The following TMPRSS7 variants were observed in gnomAD, a reference collection of about 807,000 sequenced individuals.
TMPRSS7 encodes the protein transmembrane protease serine 7.
Under a neutral mutation model 95.6 loss-of-function variants are expected in TMPRSS7, and 81 were observed. That is an observed-to-expected ratio of 0.85 (90% CI 0.71 to 1.02). The LOEUF is 1.02. TMPRSS7 is among the 50% of genes least tolerant of loss of function. The pLI is 0.00. For missense variants in TMPRSS7, 945 were observed against 955.2 expected (o/e 0.99, Z 0.14); for synonymous variants, 364 against 337.8 (o/e 1.08, Z -0.85).
intron 8 of TMPRSS7, 56 bp downstream of exon 8, chr3:112,050,030 C>A (rs9826973): frequency 0.033 from 48,009 of 1,453,552 alleles, 1,156 homozygotes; most frequent in African/African-American, 0.12. Flanking sequence ...TAATGATAGG[C>A]TATTCTTATC....
At chr3:112,042,078 G>T in intron 3 of TMPRSS7, 28 bp downstream of exon 3, 1 of 1,538,440 alleles carries the variant, frequency 6.5e-7, no homozygotes, top group Non-Finnish European at 8.8e-7. Context: ...GAGGGTATTA[G>T]GGTAGAGTGG....
At chr3:112,041,977 T>C (rs369592122) in exon 3 of TMPRSS7, 144 of 1,551,438 alleles carry the variant, frequency 9.3e-5, no homozygotes, top group Admixed American at 1.8e-4. Flanking sequence ...ATCACCAACA[T>C]TGAGTTTCTT....
intron 4 of TMPRSS7, among the ~76,000 whole-genome samples, chr3:112,044,556 A>G (rs1357683000): frequency 6.6e-6 from 1 of 152,012 alleles, no homozygotes; most frequent in Non-Finnish European, 1.5e-5. Context: ...CTGAACCCCT[A>G]TAGCAGTGCT....
In TMPRSS7 at chr3:112,061,917, A is replaced by G. The variant is rs1389374790; in HGVS notation, c.1441A>G (p.Ser481Gly). ...GGCAGAATATGGCAGTTACAACATC[A>G]GTCAACGTAAGCCTAGGATCACCTC... Residue 481 changes from serine (S) to glycine (G), a missense_variant, in exon 11 of 18, where the codon AGT becomes GGT. Physicochemically the swap from Ser to Gly is moderately conservative, Grantham distance 56. Transcript: ENST00000452346. The G allele has an allele frequency of 3.1e-6, 5 of 1,608,504 alleles. No individual in the cohort carries two copies. In the African/African-American group the frequency reaches 5.3e-5, roughly 17 times the overall value.
chr3:112,036,921 T>C (rs918027409), intron 1 of TMPRSS7, among the ~76,000 whole-genome samples: 21 of 152,216 alleles, frequency 1.4e-4, no homozygotes, highest in Non-Finnish European at 2.5e-4. Flanking sequence ...TTCATGGACA[T>C]TTATCATTTC....
rs568809741 is a variant in TMPRSS7 at position 112,077,072 on chromosome 3, C to T, written c.2152C>T (p.Pro718Ser). The change falls in exon 16 of 18, where the codon CCT (proline) becomes TCT (serine). Residue 718 changes from proline to serine, a missense_variant. Pro to Ser is a moderately conservative substitution (Grantham distance 74). Coordinates refer to ENST00000452346, the Ensembl canonical transcript of TMPRSS7. ...ACAGCTCATTCAGCCAATATGCATT[C>T]CTCCCACTGGTCAGAGAGTTCGCAG... is the stretch of plus-strand genomic sequence containing the variant. 141 of 1,614,224 alleles carry T rather than the reference C, an allele frequency of 8.7e-5. No individual in the cohort carries two copies. The South Asian group carries it at 1.3e-3, about 15-fold the overall frequency.
At chr3:112,079,188 G>A (rs1326542613) in intron 17 of TMPRSS7, among the ~76,000 whole-genome samples, 2 of 152,178 alleles carry the variant, frequency 1.3e-5, no homozygotes, top group Non-Finnish European at 2.9e-5. Context: ...CTTAGCAGCT[G>A]CCATTTAATT....
intron 9 of TMPRSS7, among the ~76,000 whole-genome samples, chr3:112,056,011 G>A (rs1576109030): frequency 6.6e-6 from 1 of 152,180 alleles, no homozygotes; most frequent in East Asian, 1.9e-4. Flanking sequence ...GGGCAATGTG[G>A]TGAAACCCTG....
At chr3:112,047,648 T>C (rs1458438114) in intron 6 of TMPRSS7, 91 bp from the exon 7 acceptor site, 1 of 995,484 alleles carries the variant, frequency 1.0e-6, no homozygotes, top group African/African-American at 1.6e-5. Flanking sequence ...ATGACCTCTT[T>C]TGCCCTTTAC....
Position 112,057,574 on chromosome 3 carries a change from G to T in TMPRSS7, c.1310+443G>T, listed in dbSNP as rs143559729. 7.2e-3 allele frequency among the ~76,000 whole-genome samples: 1,095 copies of T among 152,282 alleles called. 15 individuals are homozygous for T. Among genetic ancestry groups the T allele is most frequent in the South Asian group, 0.041 (199 of 4,822 alleles). ...CTAATCAGAAATCTAGGGGCTTAGG[G>T]CTAGAACCAATCTACTTGGCTGTAG... On this transcript the variant is annotated intron_variant, in intron 10 of 17. Coordinates refer to ENST00000452346, the Ensembl canonical transcript of TMPRSS7.
At chr3:112,077,007 C>T in exon 16 of TMPRSS7, 3 of 1,614,150 alleles carry the variant, frequency 1.9e-6, no homozygotes, top group Middle Eastern at 1.6e-4. Flanking sequence ...TATGATATTG[C>T]TTTGCTACAG....
chr3:112,044,202 T>G, intron 3 of TMPRSS7, 53 bp from the exon 4 acceptor site: 1 of 1,316,480 alleles, frequency 7.6e-7, no homozygotes, highest in Non-Finnish European at 1.1e-6. Flanking sequence ...TAAGATACTG[T>G]AAAAGGAAGT....
chr3:112,070,063 T>C (rs1164910085), intron 13 of TMPRSS7, among the ~76,000 whole-genome samples: 2 of 152,242 alleles, frequency 1.3e-5, no homozygotes, highest in Non-Finnish European at 2.9e-5. Context: ...ACATCTTTAT[T>C]TCTGCCTTCA....
intron 13 of TMPRSS7, among the ~76,000 whole-genome samples, chr3:112,068,703 C>G (rs540583939): frequency 1.3e-5 from 2 of 152,270 alleles, no homozygotes; most frequent in African/African-American, 2.4e-5. Context: ...AATTGCTTAT[C>G]AGCTTAAGGA....
At chr3:112,051,487 A>G (rs943133379) in intron 9 of TMPRSS7, among the ~76,000 whole-genome samples, 4 of 152,102 alleles carry the variant, frequency 2.6e-5, no homozygotes, top group Non-Finnish European at 5.9e-5. Context: ...CAGTTGTATA[A>G]GCAAACCAGA....
intron 13 of TMPRSS7, among the ~76,000 whole-genome samples, chr3:112,073,796 A>C (rs975287542): frequency 4.6e-5 from 7 of 152,236 alleles, no homozygotes; most frequent in Non-Finnish European, 8.8e-5. Flanking sequence ...CCTGATGTAG[A>C]GGAACTTGCC....
At chr3:112,056,700 G>A (rs555613121) in intron 9 of TMPRSS7, among the ~76,000 whole-genome samples, 1 of 152,336 alleles carries the variant, frequency 6.6e-6, no homozygotes, top group South Asian at 2.1e-4. Context: ...CATTAAAAGA[G>A]TAAGGTGTTT....
chr3:112,048,577 T>C (rs1421375781), intron 7 of TMPRSS7, among the ~76,000 whole-genome samples: 21 of 152,330 alleles, frequency 1.4e-4, no homozygotes, highest in African/African-American at 4.8e-4. Flanking sequence ...TAATAATGAA[T>C]TAGGCTTCAT....
At chr3:112,043,698 A>G (rs944953871) in intron 3 of TMPRSS7, among the ~76,000 whole-genome samples, 4 of 152,206 alleles carry the variant, frequency 2.6e-5, no homozygotes, top group African/African-American at 9.6e-5. Flanking sequence ...GTAAGGGCCA[A>G]GAAGGTAAAT....
Sources: allele counts gnomAD v4.1 joint callset (sites outside exome capture counted in the v4.1 genomes callset), GRCh38; gene constraint gnomAD v4.1.1; transcripts MANE v1.5; gene names NCBI Gene and HGNC (gene_info 2026-07-23, HGNC 2026-07-21).